The following CNTNAP5 variants were observed in gnomAD, a reference collection of about 807,000 sequenced individuals.
CNTNAP5 encodes contactin-associated protein-like 5.
CNTNAP5 carries 72 observed loss-of-function variants against 150.2 expected under a neutral mutation model. That is an observed-to-expected ratio of 0.48 (90% CI 0.40 to 0.58). The LOEUF is 0.58. CNTNAP5 is among the 20% of genes least tolerant of loss of function. CNTNAP5 has a pLI of 0.00. For missense variants in CNTNAP5, 1,636 were observed against 1,626.2 expected (o/e 1.01, Z -0.10); for synonymous variants, 672 against 619.8 (o/e 1.08, Z -1.25).
At chr2:124,500,748 GCCC>G (rs1694259439) in intron 7 of CNTNAP5, among the ~76,000 whole-genome samples, 1 of 152,012 alleles carries the variant, frequency 6.6e-6, no homozygotes, top group African/African-American at 2.4e-5. Flanking sequence ...TCCATCTTTG[GCCC>G]AGCACTTCTG....
At chr2:124,799,709 T>C (rs747198198) in intron 19 of CNTNAP5, among the ~76,000 whole-genome samples, 1 of 152,234 alleles carries the variant, frequency 6.6e-6, no homozygotes, top group Non-Finnish European at 1.5e-5. Flanking sequence ...TCCAGCTATT[T>C]ACAGCATCAA....
chr2:124,651,044 C>T (rs149987399), intron 13 of CNTNAP5, among the ~76,000 whole-genome samples: 117 of 152,258 alleles, frequency 7.7e-4, no homozygotes, highest in Middle Eastern at 3.4e-3. Context: ...ATACTCCCAA[C>T]GACACTATGA....
intron 13 of CNTNAP5, among the ~76,000 whole-genome samples, chr2:124,695,058 A>G (rs1257267410): frequency 6.6e-6 from 1 of 151,758 alleles, no homozygotes; most frequent in Admixed American, 6.6e-5. Context: ...CACACTTTTA[A>G]GTTTAAATCT....
At chr2:124,035,072 T>C (rs1335348111) in intron 1 of CNTNAP5, among the ~76,000 whole-genome samples, 1 of 143,700 alleles carries the variant, frequency 7.0e-6, no homozygotes, top group African/African-American at 2.6e-5. Flanking sequence ...TGCCCATCCA[T>C]TTATCTGTAC....
chr2:124,527,527 T>C lies in CNTNAP5; in HGVS notation c.1649+71T>C, dbSNP rs943074462. 2.8e-5 allele frequency: 36 copies of C among 1,264,500 alleles called. No homozygotes were observed. The African/African-American group carries it at 5.1e-4, about 18-fold the overall frequency. The allele number at this position is 1,264,500 out of a possible 1,614,324, so 78.3% of individuals were successfully genotyped here. A position where few individuals can be genotyped will look rare whatever the true frequency, so the allele number is the denominator to read the frequency against. Reference sequence around the variant, plus strand: ...CTTACTGTTCTAAATATGAGTTTCTTTAAGCAAAATTCTAATCCACCGACA... The same window carrying C: ...CTTACTGTTCTAAATATGAGTTTCTCTAAGCAAAATTCTAATCCACCGACA... On this transcript the variant is annotated intron_variant, in intron 10 of 23. Transcript: ENST00000682447.
At chr2:124,440,775 A>C (rs1184272213) in intron 5 of CNTNAP5, among the ~76,000 whole-genome samples, 1 of 152,012 alleles carries the variant, frequency 6.6e-6, no homozygotes, top group African/African-American at 2.4e-5. Context: ...TCCCTTATCT[A>C]TTTCTGTCCC....
At chr2:124,208,205 A>G (rs2104720187) in intron 1 of CNTNAP5, among the ~76,000 whole-genome samples, 1 of 152,304 alleles carries the variant, frequency 6.6e-6, no homozygotes, top group East Asian at 1.9e-4. Context: ...TATCTGGACC[A>G]CAGAGCAATT....
chr2:124,247,606 G>C (rs1459447961), intron 3 of CNTNAP5, among the ~76,000 whole-genome samples: 20 of 152,016 alleles, frequency 1.3e-4, no homozygotes, highest in Non-Finnish European at 2.6e-4. Flanking sequence ...AATGGGAAGA[G>C]AAAATGGTGA....
intron 1 of CNTNAP5, among the ~76,000 whole-genome samples, chr2:124,188,095 G>A (rs1034496733): frequency 2.6e-5 from 4 of 152,164 alleles, no homozygotes; most frequent in Admixed American, 1.3e-4. Flanking sequence ...AACTGCAACA[G>A]AGGAAAGGCA....
At chr2:124,435,787 A>G (rs1692517138) in intron 5 of CNTNAP5, among the ~76,000 whole-genome samples, 1 of 152,202 alleles carries the variant, frequency 6.6e-6, no homozygotes, top group South Asian at 2.1e-4. Context: ...TTTTATTTTG[A>G]GGCATTTCTG....
intron 1 of CNTNAP5, among the ~76,000 whole-genome samples, chr2:124,036,454 A>T (rs1457423305): frequency 6.6e-6 from 1 of 151,998 alleles, no homozygotes; most frequent in African/African-American, 2.4e-5. Context: ...ATGCTGCCAC[A>T]TCCATGAGTT....
chr2:124,819,597 G>A (rs145923296), intron 19 of CNTNAP5, among the ~76,000 whole-genome samples: 47 of 152,308 alleles, frequency 3.1e-4, no homozygotes, highest in Non-Finnish European at 8.8e-5. Context: ...TAGTTGGTCA[G>A]TGGAGCCTGC....
At chr2:124,203,832 G>A (rs1252417021) in intron 1 of CNTNAP5, among the ~76,000 whole-genome samples, 1 of 152,148 alleles carries the variant, frequency 6.6e-6, no homozygotes, top group Admixed American at 6.5e-5. Flanking sequence ...TTCCTTCCAG[G>A]CCTCCAGGCC....
chr2:124,373,012 C>T (rs987804399), intron 3 of CNTNAP5, among the ~76,000 whole-genome samples: 8 of 151,986 alleles, frequency 5.3e-5, no homozygotes, highest in African/African-American at 1.7e-4. Context: ...AAATTATATC[C>T]TTGAGGGAAT....
chr2:124,408,030 C>A (rs896590312), intron 3 of CNTNAP5, among the ~76,000 whole-genome samples: 1 of 152,144 alleles, frequency 6.6e-6, no homozygotes, highest in African/African-American at 2.4e-5. Flanking sequence ...GTGCGCGCAC[C>A]GTACGCCAGC....
At chr2:124,171,668 C>A (rs1178417717) in intron 1 of CNTNAP5, among the ~76,000 whole-genome samples, 1 of 152,202 alleles carries the variant, frequency 6.6e-6, no homozygotes, top group Non-Finnish European at 1.5e-5. Flanking sequence ...TCTACTAGAG[C>A]AAAGGGCAAG....
intron 3 of CNTNAP5, among the ~76,000 whole-genome samples, chr2:124,373,586 C>G (rs1690580388): frequency 6.6e-6 from 1 of 151,760 alleles, no homozygotes. Context: ...AAACGGACAG[C>G]ATATAATTAT....
At chr2:124,146,316 C>G (rs1347069868) in intron 1 of CNTNAP5, among the ~76,000 whole-genome samples, 4 of 152,160 alleles carry the variant, frequency 2.6e-5, no homozygotes, top group African/African-American at 4.8e-5. Flanking sequence ...ACAAAACCCT[C>G]CCTTCCCAAA....
At chr2:124,165,099 A>G (rs1220762691) in intron 1 of CNTNAP5, among the ~76,000 whole-genome samples, 1 of 152,166 alleles carries the variant, frequency 6.6e-6, no homozygotes, top group Non-Finnish European at 1.5e-5. Context: ...AAGTGTGGAC[A>G]CTGTTGCCTA....
Sources: gnomAD v4.1 joint callset for allele counts (sites outside exome capture counted in the v4.1 genomes callset) on GRCh38, gnomAD v4.1.1 for gene constraint, MANE v1.5 for transcripts, NCBI Gene and HGNC (gene_info 2026-07-23, HGNC 2026-07-21) for gene names.